The following CSMD3 variants were observed in gnomAD, a reference collection of about 807,000 sequenced individuals.
The protein encoded by CSMD3 is CUB and Sushi multiple domains 3, also known as CUB and sushi domain-containing protein 3.
In CSMD3, 177 loss-of-function variants were observed where a neutral mutation model predicts 435.2. The observed-to-expected ratio is 0.41, with a 90% confidence interval of 0.36 to 0.46. CSMD3 has a LOEUF of 0.46. CSMD3 is among the 20% of genes least tolerant of loss of function. The probability of loss-of-function intolerance (pLI) is 0.34; values close to 1 mark genes in which losing one functional copy is unlikely to be tolerated. For synonymous variants in CSMD3, 1,656 were observed against 1,520.5 expected, an observed-to-expected ratio of 1.09 and a Z score of -2.07; for missense variants, 4,265 against 4,504.6, an observed-to-expected ratio of 0.95 and a Z score of 1.52.
chr8:112,396,592 G>C (rs1020911244), intron 35 of CSMD3, among the ~76,000 whole-genome samples: 1 of 152,102 alleles, frequency 6.6e-6, no homozygotes, highest in African/African-American at 2.4e-5. Flanking sequence ...TGGGAAGTTG[G>C]TAAGGGTTGT....
At chr8:113,182,585 GA>G (rs1187082359) in intron 3 of CSMD3, among the ~76,000 whole-genome samples, 1 of 151,624 alleles carries the variant, frequency 6.6e-6, no homozygotes, top group Admixed American at 6.6e-5. Flanking sequence ...AACTCACAAC[GA>G]ATTGCTTAAA....
chr8:113,042,109 G>T (rs575103174), intron 5 of CSMD3, among the ~76,000 whole-genome samples: 43 of 152,188 alleles, frequency 2.8e-4, no homozygotes, highest in Non-Finnish European at 4.7e-4. Flanking sequence ...TTCATGTCAT[G>T]AAACACTAGC....
chr8:112,534,827 C>T (rs1269686652), intron 27 of CSMD3, among the ~76,000 whole-genome samples: 2 of 152,096 alleles, frequency 1.3e-5, no homozygotes, highest in East Asian at 3.9e-4. Context: ...AAAAGTTTAT[C>T]CACCATGATC....
At chr8:113,352,725 T>C (rs1431084626) in intron 1 of CSMD3, among the ~76,000 whole-genome samples, 2 of 152,040 alleles carry the variant, frequency 1.3e-5, no homozygotes, top group African/African-American at 4.8e-5. Context: ...CAGCTTAAGT[T>C]TGCAAGAGAG....
chr8:112,869,356 T>C (rs1306453683), intron 10 of CSMD3, among the ~76,000 whole-genome samples: 1 of 152,210 alleles, frequency 6.6e-6, no homozygotes, highest in Admixed American at 6.5e-5. Flanking sequence ...TAAGCAGTTA[T>C]ATCACAGGAA....
intron 4 of CSMD3, among the ~76,000 whole-genome samples, chr8:113,142,147 T>C (rs1198232829): frequency 6.6e-6 from 1 of 151,216 alleles, no homozygotes; most frequent in Non-Finnish European, 1.5e-5. Context: ...GGAGAGGCTG[T>C]ATTCATGGAT....
At chr8:112,592,455 T>C (rs936770411) in intron 22 of CSMD3, among the ~76,000 whole-genome samples, 1 of 152,056 alleles carries the variant, frequency 6.6e-6, no homozygotes, top group Admixed American at 6.6e-5. Context: ...AGTTTAAACA[T>C]TTTTTGAAGA....
chr8:112,234,365 A>C lies in CSMD3; in HGVS notation c.10740T>G (p.Phe3580Leu), dbSNP rs1484852694. Residue 3580 changes from phenylalanine to leucine, a missense_variant and splice_region_variant, in exon 68 of 71, where the codon TTT (phenylalanine) becomes TTG (leucine). Around this residue, in one of 3 missense-constraint regions of CSMD3, gnomAD observed 3,255 missense variants for 3,380.2 expected, o/e 0.96. Coordinates refer to ENST00000297405, the MANE Select transcript of CSMD3 (RefSeq NM_198123.2). ...MKEENWAMDGFVSAEPDGATY... is the reference protein window; with the variant it reads ...MKEENWAMDGLVSAEPDGATY... ...CAGATGTTAAAATAACTATACTTAC[A>C]AAGCCATCCATTGCCCAATTTTCTT... 2 of 1,582,478 alleles carry C rather than the reference A, an allele frequency of 1.3e-6. No individual in the cohort carries two copies. Among genetic ancestry groups the C allele is most frequent in the Non-Finnish European group, 1.7e-6 (2 of 1,151,926 alleles).
chr8:112,623,379 T>A (rs1467017255), intron 22 of CSMD3, among the ~76,000 whole-genome samples: 1 of 152,094 alleles, frequency 6.6e-6, no homozygotes, highest in Non-Finnish European at 1.5e-5. Context: ...CTGTTCCCTA[T>A]CCTTCCACAC....
At chr8:113,411,271 G>A (rs1461488736) in intron 1 of CSMD3, among the ~76,000 whole-genome samples, 1 of 152,030 alleles carries the variant, frequency 6.6e-6, no homozygotes, top group Admixed American at 6.5e-5. Context: ...GAGTCAGTTA[G>A]TATTCTACCA....
At chr8:112,321,521 A>T (rs1822995921) in intron 45 of CSMD3, among the ~76,000 whole-genome samples, 1 of 152,160 alleles carries the variant, frequency 6.6e-6, no homozygotes, top group African/African-American at 2.4e-5. Context: ...TTGAACAAAA[A>T]CTTGTGCAAA....
chr8:112,982,589 A>G (rs1346786832), intron 6 of CSMD3, among the ~76,000 whole-genome samples: 1 of 151,966 alleles, frequency 6.6e-6, no homozygotes, highest in Non-Finnish European at 1.5e-5. Context: ...GGCAGCTCTC[A>G]TGGAAGAATA....
intron 13 of CSMD3, among the ~76,000 whole-genome samples, chr8:112,706,426 A>G (rs1308811826): frequency 6.6e-6 from 1 of 152,106 alleles, no homozygotes; most frequent in East Asian, 1.9e-4. Context: ...CAATTCTGCC[A>G]AGAAGTAGAA....
At chr8:113,377,947 A>G (rs2133090390) in intron 1 of CSMD3, among the ~76,000 whole-genome samples, 1 of 152,346 alleles carries the variant, frequency 6.6e-6, no homozygotes, top group Non-Finnish European at 1.5e-5. Context: ...GAAGATTTTC[A>G]AAATGGTCAT....
At chr8:113,153,126 A>AAAGAAGGAAGGAAGGAAG (rs1429322418) in intron 4 of CSMD3, among the ~76,000 whole-genome samples, 1 of 64,070 alleles carries the variant, frequency 1.6e-5, no homozygotes, top group African/African-American at 9.4e-5. Context: ...AGAAAGAAAG[A>AAAGAAGGAAGGAAGGAAG]GAAAGAAGGA....
intron 10 of CSMD3, among the ~76,000 whole-genome samples, chr8:112,894,871 G>T (rs189295839): frequency 7.1e-4 from 107 of 151,048 alleles, no homozygotes; most frequent in Admixed American, 6.0e-4. Context: ...ACACACACAA[G>T]ATATCACATT....
chr8:113,047,872 G>T (rs1489892449), intron 5 of CSMD3, among the ~76,000 whole-genome samples: 1 of 152,098 alleles, frequency 6.6e-6, no homozygotes, highest in Non-Finnish European at 1.5e-5. Flanking sequence ...AAATATTAAA[G>T]AATCCGTAAC....
At chr8:113,076,754 C>T (rs1256402267) in intron 5 of CSMD3, among the ~76,000 whole-genome samples, 4 of 152,000 alleles carry the variant, frequency 2.6e-5, no homozygotes, top group African/African-American at 9.7e-5. Flanking sequence ...GGCAAAAGAA[C>T]TATAAAACTA....
intron 19 of CSMD3, among the ~76,000 whole-genome samples, chr8:112,646,730 G>T (rs1324623682): frequency 6.6e-6 from 1 of 152,132 alleles, no homozygotes; most frequent in African/African-American, 2.4e-5. Flanking sequence ...ACAAAGTGAA[G>T]ATTTCTGTTA....
Sources: allele counts gnomAD v4.1 joint callset (sites outside exome capture counted in the v4.1 genomes callset), GRCh38; gene constraint gnomAD v4.1.1; regional missense constraint gnomAD v4.1.1; transcripts MANE v1.5; gene names NCBI Gene and HGNC (gene_info 2026-07-23, HGNC 2026-07-21).